Variants in DAB1 observed in about 807,000 individuals in gnomAD.
DAB1 encodes disabled homolog 1.
A neutral mutation model predicts 64.6 loss-of-function variants in DAB1; 15 were observed. The observed-to-expected ratio is 0.23, with a 90% CI of 0.16 to 0.36. The LOEUF is 0.36. Ranked by LOEUF, DAB1 falls within the 10% of genes least tolerant of loss-of-function variation. The pLI is 1.00. For missense variants in DAB1, 596 were observed against 706.7 expected (o/e 0.84, Z 1.78); for synonymous variants, 235 against 251.9 (o/e 0.93, Z 0.64).
intron 1 of DAB1, among the ~76,000 whole-genome samples, chr1:57,840,363 T>G (rs1220408249): frequency 3.9e-5 from 6 of 151,908 alleles, no homozygotes; most frequent in African/African-American, 1.2e-4. Context: ...TGGGACAGAG[T>G]GTATTCCAGA....
At chr1:58,253,341 ACT>A (rs1458255276) in intron 4 of DAB1, among the ~76,000 whole-genome samples, 2 of 152,112 alleles carry the variant, frequency 1.3e-5, no homozygotes, top group African/African-American at 4.8e-5. Context: ...TTAACAACTG[ACT>A]CTGATTGTTG....
Position 57,634,773 on chromosome 1 carries a change from T to C in DAB1, n.625+14819A>G, listed in dbSNP as rs548411956. Among the ~76,000 whole-genome samples the C allele has an allele frequency of 2.2e-3, 328 of 152,234 alleles. 1 individual carries two copies. The highest frequency in any genetic ancestry group is 7.7e-3 in the African/African-American group (320 of 41,528). On this transcript the variant is annotated intron_variant and non_coding_transcript_variant, in intron 7 of 20. Transcript: ENST00000485760. The stretch of plus-strand genomic sequence containing the variant: ...GGAGATTATACTTCTCCCACTGGAA[T>C]GGAGGAGGAAAAGAGGAATAAACAA...
intron 2 of DAB1, among the ~76,000 whole-genome samples, chr1:57,263,063 C>G (rs1381846798): frequency 6.6e-6 from 1 of 152,088 alleles, no homozygotes; most frequent in Non-Finnish European, 1.5e-5. Context: ...TGACCTGAGG[C>G]AAGTTAGTTA....
At chr1:57,972,842 G>C (rs1279928555) in intron 5 of DAB1, among the ~76,000 whole-genome samples, 7 of 152,224 alleles carry the variant, frequency 4.6e-5, no homozygotes, top group Non-Finnish European at 1.0e-4. Context: ...GCCTTAGTCA[G>C]CCATATGTAC....
intron 1 of DAB1, among the ~76,000 whole-genome samples, chr1:57,307,823 T>C (rs571773087): frequency 1.3e-5 from 2 of 151,982 alleles, no homozygotes; most frequent in East Asian, 3.9e-4. Flanking sequence ...CTCTCTTCCC[T>C]GTCAATTCAA....
chr1:58,465,557 T>C (rs954428018), intron 3 of DAB1, among the ~76,000 whole-genome samples: 1 of 152,148 alleles, frequency 6.6e-6, no homozygotes, highest in Non-Finnish European at 1.5e-5. Context: ...AAGGAGCAGC[T>C]TCGTGGAAAG....
intron 5 of DAB1, among the ~76,000 whole-genome samples, chr1:58,053,746 C>T (rs1647864606): frequency 6.6e-6 from 1 of 152,200 alleles, no homozygotes; most frequent in Non-Finnish European, 1.5e-5. Flanking sequence ...GGATTCACTT[C>T]CTTCTTCCCT....
intron 9 of DAB1, among the ~76,000 whole-genome samples, chr1:57,053,642 ATC>A (rs146813079): frequency 4.7e-4 from 59 of 126,272 alleles, no homozygotes; most frequent in African/African-American, 1.0e-3. Flanking sequence ...CCATCTAAGA[ATC>A]TCTCTCTCTC....
chr1:57,365,295 TAAAG>T (rs1679898058), intron 1 of DAB1, among the ~76,000 whole-genome samples: 1 of 141,752 alleles, frequency 7.1e-6, no homozygotes, highest in African/African-American at 2.6e-5. Flanking sequence ...ATATATTATA[TAAAG>T]AATACATAAA....
intron 3 of DAB1, among the ~76,000 whole-genome samples, chr1:58,451,218 T>C (rs943832459): frequency 2.0e-5 from 3 of 152,178 alleles, no homozygotes; most frequent in African/African-American, 7.2e-5. Flanking sequence ...GCCTCCCAAG[T>C]AGAGGGGACG....
At chr1:57,909,966 T>C (rs1644616054) in intron 5 of DAB1, among the ~76,000 whole-genome samples, 1 of 152,162 alleles carries the variant, frequency 6.6e-6, no homozygotes, top group East Asian at 1.9e-4. Context: ...TGCAGCTTGA[T>C]CCCAACTTAT....
intron 1 of DAB1, among the ~76,000 whole-genome samples, chr1:57,340,266 C>G (rs1478634769): frequency 6.6e-6 from 1 of 152,190 alleles, no homozygotes; most frequent in Admixed American, 6.5e-5. Context: ...AATCCTAATA[C>G]AGAACTAAGG....
At chr1:58,256,757 T>C (rs1180785411) in intron 4 of DAB1, among the ~76,000 whole-genome samples, 1 of 152,178 alleles carries the variant, frequency 6.6e-6, no homozygotes, top group Non-Finnish European at 1.5e-5. Context: ...TGGCTGGCAC[T>C]AATATAGGCT....
chr1:57,134,121 C>T (rs570394212), intron 4 of DAB1, among the ~76,000 whole-genome samples: 17 of 152,264 alleles, frequency 1.1e-4, no homozygotes, highest in African/African-American at 3.9e-4. Context: ...CCCCCAGCGA[C>T]GGTGAACTCC....
chr1:58,530,170 G>A (rs1472049016), intron 1 of DAB1, among the ~76,000 whole-genome samples: 2 of 152,062 alleles, frequency 1.3e-5, no homozygotes, highest in African/African-American at 2.4e-5. Flanking sequence ...CATGAGCCAC[G>A]GCGCCCGGCC....
intron 6 of DAB1, among the ~76,000 whole-genome samples, chr1:57,799,310 G>A (rs1651014971): frequency 6.6e-6 from 1 of 152,152 alleles, no homozygotes; most frequent in African/African-American, 2.4e-5. Flanking sequence ...CTGGGCTGCT[G>A]TTAGAACAGC....
intron 6 of DAB1, among the ~76,000 whole-genome samples, chr1:57,747,807 C>CAAAAAA (rs373640023): frequency 1.1e-4 from 5 of 43,968 alleles, no homozygotes; most frequent in African/African-American, 2.3e-4. Context: ...GGACTCTGTC[C>CAAAAAA]AAAAAAAAAA....
intron 7 of DAB1, among the ~76,000 whole-genome samples, chr1:57,630,707 G>T (rs1983454): frequency 0.48 from 73,050 of 151,992 alleles, 18,518 homozygotes; most frequent in East Asian, 0.69. Flanking sequence ...GGAAGGAGGG[G>T]TGATGACCAA....
chr1:58,231,355 T>C (rs1443513826), intron 4 of DAB1, among the ~76,000 whole-genome samples: 3 of 152,274 alleles, frequency 2.0e-5, no homozygotes, highest in East Asian at 1.9e-4. Flanking sequence ...AGCAGGACTG[T>C]TTCAAAGACA....
Sources: allele counts gnomAD v4.1 joint callset (sites outside exome capture counted in the v4.1 genomes callset), GRCh38; gene constraint gnomAD v4.1.1; transcripts MANE v1.5; gene names NCBI Gene and HGNC (gene_info 2026-07-23, HGNC 2026-07-21).